The following TTC7B variants were observed in gnomAD, a reference collection of about 807,000 sequenced individuals.
TTC7B encodes the protein tetratricopeptide repeat protein 7B.
Under a neutral mutation model 106.8 loss-of-function variants are expected in TTC7B, and 28 were observed. The ratio of observed to expected loss-of-function variants is 0.26; its 90% confidence interval spans 0.19 to 0.36. TTC7B has a LOEUF of 0.36. TTC7B is among the 10% of genes least tolerant of loss of function. The probability of loss-of-function intolerance (pLI) is 1.00; values close to 1 mark genes in which losing one functional copy is unlikely to be tolerated. For missense variants in TTC7B, 862 were observed against 1,076.4 expected (o/e 0.80, Z 2.79); for synonymous variants, 405 against 430.6 (o/e 0.94, Z 0.74).
At chr14:90,548,075 G>T (rs961553115) in intron 19 of TTC7B, among the ~76,000 whole-genome samples, 11 of 152,228 alleles carry the variant, frequency 7.2e-5, no homozygotes, top group Non-Finnish European at 1.6e-4. Context: ...AGGGATGGAG[G>T]TGAACCACTC....
At chr14:90,775,062 C>A (rs1479988764) in intron 3 of TTC7B, among the ~76,000 whole-genome samples, 3 of 150,630 alleles carry the variant, frequency 2.0e-5, no homozygotes, top group Non-Finnish European at 4.4e-5. Context: ...AAAAAAAATT[C>A]TCCCCGTAAA....
chr14:90,552,147 C>T (rs1262690251), intron 19 of TTC7B, among the ~76,000 whole-genome samples: 1 of 152,194 alleles, frequency 6.6e-6, no homozygotes, highest in Non-Finnish European at 1.5e-5. Flanking sequence ...TGAGGGGAGG[C>T]ATCCCCAGCC....
chr14:90,779,126 G>A (rs1279778015), intron 3 of TTC7B, among the ~76,000 whole-genome samples: 1 of 152,152 alleles, frequency 6.6e-6, no homozygotes, highest in African/African-American at 2.4e-5. Flanking sequence ...TGGCCAGAAG[G>A]ACAGGAGCCA....
In TTC7B at chr14:90,807,947, C is replaced by A. The variant is rs1301926550; in HGVS notation, c.121+8228G>T. ...TCTAACAAGCTGTCTAGAAGTGATT[C>A]TTTGATCCAATCAGTTTAGAAAAAC... On this transcript the variant is annotated intron_variant, in intron 1 of 19. Coordinates refer to ENST00000328459, the MANE Select transcript of TTC7B (RefSeq NM_001010854.2). The surrounding 1 kb of genome is among the most constrained non-coding windows in gnomAD (Gnocchi z 4.1). Among the ~76,000 whole-genome samples, 1 of 152,206 alleles carries A rather than the reference C, an allele frequency of 6.6e-6. No homozygotes were observed. Among genetic ancestry groups the A allele is most frequent in the Non-Finnish European group, 1.5e-5 (1 of 68,038 alleles).
In TTC7B at chr14:90,644,221, A is replaced by G. The variant is rs1385326042; in HGVS notation, c.1591-13T>C. 1.9e-6 allele frequency: 3 copies of G among 1,556,782 alleles called. No individual in the cohort carries two copies. The highest frequency in any genetic ancestry group is 4.2e-5 in the Admixed American group (2 of 47,528). On this transcript the variant is annotated splice_polypyrimidine_tract_variant and intron_variant, in intron 14 of 19. Transcript: ENST00000328459. ...GAGCCTCTGGGATCTGGTTTAAAAC[A>G]AAACCAAAAAAGGTTTTACATACAC...
In TTC7B at chr14:90,777,389, G is replaced by C. The variant is rs1240986952; in HGVS notation, c.445+3349C>G. ...TCATTTCTCTCTTCTGTAAATTTGGGGTTTGGAGAGTTAAAGAGACAGGAA... is the reference window on the plus strand; with the variant it reads ...TCATTTCTCTCTTCTGTAAATTTGGCGTTTGGAGAGTTAAAGAGACAGGAA... On this transcript the variant is annotated intron_variant, in intron 3 of 19. Transcript: ENST00000328459. Among the ~76,000 whole-genome samples the C allele has an allele frequency of 2.0e-5, 3 of 152,072 alleles. No individual in the cohort carries two copies. In the East Asian group the frequency reaches 5.8e-4, roughly 29 times the overall value.
intron 19 of TTC7B, among the ~76,000 whole-genome samples, chr14:90,567,906 C>G (rs1035868556): frequency 6.6e-6 from 1 of 152,206 alleles, no homozygotes; most frequent in South Asian, 2.1e-4. Flanking sequence ...AGACTTCTTA[C>G]AGGATATTCT....
Position 90,816,342 on chromosome 14 carries a change from G to GCCGCCGCGGCGCCCCCTCGCCGCCTC in TTC7B, c.-73_-48dup. ...CGCCCGCCCCGCAGGCCCCACCGCCGCCGCCGCGGCGCCCCCTCGCCGCCT... is the reference window on the plus strand; with the variant it reads ...CGCCCGCCCCGCAGGCCCCACCGCCGCCGCCGCGGCGCCCCCTCGCCGCCTCCCGCCGCGGCGCCCCCTCGCCGCCT... On this transcript the variant is annotated 5_prime_UTR_variant, in exon 1 of 20. Transcript: ENST00000328459. 3 of 957,094 alleles carry GCCGCCGCGGCGCCCCCTCGCCGCCTC rather than the reference G, an allele frequency of 3.1e-6. No homozygotes were observed. The highest frequency in any genetic ancestry group is 3.7e-6 in the Non-Finnish European group (3 of 807,286). The allele number at this position is 957,094 out of a possible 1,614,324, so 59.3% of individuals were successfully genotyped here.
chr14:90,584,317 C>A (rs1176653074), intron 18 of TTC7B, among the ~76,000 whole-genome samples: 5 of 152,232 alleles, frequency 3.3e-5, no homozygotes, highest in Non-Finnish European at 7.3e-5. Context: ...TTTCCTCGTT[C>A]ATTCATTCAT....
intron 3 of TTC7B, among the ~76,000 whole-genome samples, chr14:90,752,518 C>T (rs1266206258): frequency 1.3e-5 from 2 of 152,192 alleles, no homozygotes; most frequent in East Asian, 3.8e-4. Flanking sequence ...GGGGTTAGCA[C>T]CCCAAATTCT....
chr14:90,537,376 G>GGGC lies in TTC7B; in HGVS notation c.*3991_*3992insGCC, dbSNP rs1566757016. 4 of 23,314 alleles carry GGGC rather than the reference G, an allele frequency of 1.7e-4. No individual in the cohort carries two copies. Among genetic ancestry groups the GGGC allele is most frequent in the African/African-American group, 3.3e-4 (4 of 11,972 alleles). The allele number at this position is 23,314 out of a possible 1,614,324, so 1.4% of individuals were successfully genotyped here. A position where few individuals can be genotyped will look rare whatever the true frequency, so the allele number is the denominator to read the frequency against. ...TATTTTTTTTTTTTTGTAGAGATGG[G>GGGC]GGGGGGGTCTCACCATGTTGCCCAG... On this transcript the variant is annotated 3_prime_UTR_variant, in exon 20 of 20. Transcript: ENST00000328459.
At position 90,528,760 on chromosome 14, in the gene TTC7B, C is replaced by T. The variant is rs1028081894; in HGVS notation, c.*12608G>A. On this transcript the variant is annotated 3_prime_UTR_variant, in exon 20 of 20. Transcript: ENST00000328459. ...GGTTGTTTCTGATGGTGTGACCCGA[C>T]TGTGTTTTGTTACCTGTTTCTGATG... The T allele has an allele frequency of 6.6e-6, 1 of 151,312 alleles. No individual in the cohort carries two copies. The highest frequency in any genetic ancestry group is 2.0e-4 in the East Asian group (1 of 5,012). 9.4% of individuals were successfully genotyped at this position (151,312 alleles called of 1,614,324 possible). A position where few individuals can be genotyped will look rare whatever the true frequency, so the allele number is the denominator to read the frequency against.
intron 9 of TTC7B, among the ~76,000 whole-genome samples, chr14:90,660,053 G>A (rs1480772086): frequency 6.6e-6 from 1 of 151,958 alleles, no homozygotes; most frequent in African/African-American, 2.4e-5. Context: ...GGTGGGTGCT[G>A]GGAGGAAAAG....
intron 1 of TTC7B, among the ~76,000 whole-genome samples, chr14:90,791,523 G>A (rs1367403992): frequency 2.6e-5 from 4 of 152,108 alleles, no homozygotes; most frequent in South Asian, 2.1e-4. Flanking sequence ...TTTTATCAGA[G>A]CACGCGGCTG....
intron 1 of TTC7B, among the ~76,000 whole-genome samples, chr14:90,790,826 C>T (rs1368587624): frequency 6.6e-6 from 1 of 152,110 alleles, no homozygotes; most frequent in Admixed American, 6.6e-5. Context: ...AGTGAACACA[C>T]CTCCCAGCTG....
At chr14:90,756,685 G>A (rs1011286335) in intron 3 of TTC7B, among the ~76,000 whole-genome samples, 6 of 152,116 alleles carry the variant, frequency 3.9e-5, no homozygotes, top group East Asian at 1.9e-4. Flanking sequence ...GTGAGCCACC[G>A]CGCCTGGCCG....
rs924138820 is a variant in TTC7B, at chr14:90,535,159, G to A, written c.*6209C>T. 2 of 152,442 alleles carry A rather than the reference G, an allele frequency of 1.3e-5. No individual in the cohort carries two copies. The highest frequency in any genetic ancestry group is 4.8e-5 in the African/African-American group (2 of 41,414). 9.4% of individuals were successfully genotyped at this position (152,442 alleles called of 1,614,324 possible). On this transcript the variant is annotated 3_prime_UTR_variant, in exon 20 of 20. Transcript: ENST00000328459. ...GGCCACAGCCCAGGGCCCAGGACCT[G>A]GAAGGAGGCAGAGAGACAGACAGAC... is the stretch of plus-strand genomic sequence containing the variant.
rs1196630440 is a variant in TTC7B at position 90,802,614 on chromosome 14, G to A, written c.121+13561C>T. On this transcript the variant is annotated intron_variant, in intron 1 of 19. Coordinates refer to ENST00000328459, the MANE Select transcript of TTC7B (RefSeq NM_001010854.2). The surrounding 1 kb of genome is among the most constrained non-coding windows in gnomAD (Gnocchi z 4.7). ...AGGGTGGCTTTCAAAGGAAGGGAGG[G>A]AGGAGCACATGGAACAGACACTTTG... 6.6e-6 allele frequency among the ~76,000 whole-genome samples: 1 copy of A among 152,180 alleles called. No individual in the cohort carries two copies. The highest frequency in any genetic ancestry group is 1.5e-5 in the Non-Finnish European group (1 of 68,024).
At position 90,541,333 on chromosome 14, in the gene TTC7B, G is replaced by T. The variant is rs115833631; in HGVS notation, c.*35C>A. On this transcript the variant is annotated 3_prime_UTR_variant, in exon 20 of 20. Coordinates refer to ENST00000328459, the MANE Select transcript of TTC7B (RefSeq NM_001010854.2). ...CCCTGGTGCCCGGCAGGGCCTCTGA[G>T]GCCTGAGCGGCAGGTGAGGCTGGCA... 1,817 of 1,563,180 alleles carry T rather than the reference G, an allele frequency of 1.2e-3. 17 individuals carry two copies. In the African/African-American group the frequency reaches 0.018, roughly 15 times the overall value.
Sources: allele counts gnomAD v4.1 joint callset (sites outside exome capture counted in the v4.1 genomes callset), GRCh38; gene constraint gnomAD v4.1.1; non-coding constraint Gnocchi (gnomAD v3.1); transcripts MANE v1.5; gene names NCBI Gene and HGNC (gene_info 2026-07-23, HGNC 2026-07-21).